Variants in SPATA7 observed in about 807,000 individuals in gnomAD.
The protein encoded by SPATA7 is spermatogenesis associated 7.
Under a neutral mutation model 51.8 loss-of-function variants are expected in SPATA7, and 43 were observed. The ratio of observed to expected loss-of-function variants is 0.83; its 90% CI spans 0.65 to 1.07. The LOEUF (loss-of-function observed/expected upper bound fraction) is 1.07. Ranked by LOEUF, SPATA7 falls within the 50% of genes least tolerant of loss-of-function variation. The probability of loss-of-function intolerance (pLI) is 0.00; values close to 1 mark genes in which losing one functional copy is unlikely to be tolerated. For synonymous variants in SPATA7, 230 were observed against 252.8 expected, an observed-to-expected ratio of 0.91 and a Z score of 0.86; for missense variants, 683 against 701.3, an observed-to-expected ratio of 0.97 and a Z score of 0.30.
intron 9 of SPATA7, among the ~76,000 whole-genome samples, chr14:88,432,003 C>G (rs1228644078): frequency 6.6e-6 from 1 of 152,098 alleles, no homozygotes; most frequent in African/African-American, 2.4e-5. Context: ...TCATTTTTAT[C>G]TCCAGTAGAA....
intron 4 of SPATA7, among the ~76,000 whole-genome samples, chr14:88,402,655 C>A (rs1325693267): frequency 6.6e-6 from 1 of 151,922 alleles, no homozygotes; most frequent in Non-Finnish European, 1.5e-5. Flanking sequence ...AAAATCAGCT[C>A]AAAATGGATT....
intron 3 of SPATA7, among the ~76,000 whole-genome samples, chr14:88,444,240 G>A (rs1477477848): frequency 4.6e-5 from 7 of 152,242 alleles, no homozygotes; most frequent in Non-Finnish European, 8.8e-5. Flanking sequence ...GCCAGTGATG[G>A]TGAGCAGTTT....
intron 6 of SPATA7, among the ~76,000 whole-genome samples, chr14:88,427,265 A>G (rs1349972232): frequency 2.0e-5 from 3 of 152,218 alleles, no homozygotes; most frequent in Non-Finnish European, 4.4e-5. Context: ...ATGTTCAATA[A>G]AAGTTTGCCA....
At chr14:88,468,797 T>C (rs1371668403) in intron 4 of SPATA7, 3 of 1,280,212 alleles carry the variant, frequency 2.3e-6, no homozygotes, top group Non-Finnish European at 3.3e-6. Flanking sequence ...ATTAGTAACA[T>C]CTTGAGGCCA....
At chr14:88,394,484 CATTT>C (rs1308730916) in intron 3 of SPATA7, among the ~76,000 whole-genome samples, 1 of 152,140 alleles carries the variant, frequency 6.6e-6, no homozygotes, top group Non-Finnish European at 1.5e-5. Flanking sequence ...TGTGTACCAC[CATTT>C]ATTCTTTTGT....
intron 5 of SPATA7, among the ~76,000 whole-genome samples, chr14:88,422,713 G>A (rs965632383): frequency 1.3e-5 from 2 of 151,104 alleles, no homozygotes; most frequent in African/African-American, 4.8e-5. Flanking sequence ...CCTCCATAAA[G>A]TTGTTAATTT....
At chr14:88,455,176 C>T in exon 4 of SPATA7, 1 of 438,060 alleles carries the variant, frequency 2.3e-6, no homozygotes, top group South Asian at 1.6e-5. Context: ...GCTCTGCAAG[C>T]CCACTGTGAA....
At position 88,433,208 on chromosome 14, in the gene SPATA7, A is replaced by G. The variant is rs138211483; in HGVS notation, c.1156A>G (p.Asn386Asp). The G allele has an allele frequency of 6.2e-6, 10 of 1,604,248 alleles. No individual in the cohort carries two copies. The African/African-American group carries it at 1.3e-4, about 21-fold the overall frequency. ...AATTTTGAAACTTGGTTTATTTTCAAACAGGTTAGTTTTTTTAATGGTGTT... is the reference window on the plus strand; with the variant it reads ...AATTTTGAAACTTGGTTTATTTTCAGACAGGTTAGTTTTTTTAATGGTGTT... ...DEILKLGLFS[N>D]RFLERLFERH... The change falls in exon 10 of 12, where the codon AAC becomes GAC. Residue 386 changes from asparagine (N) to aspartate (D), a missense_variant. Transcript: ENST00000393545.
intron 4 of SPATA7, 62 bp downstream of exon 4, chr14:88,396,265 T>C: frequency 8.4e-7 from 1 of 1,190,424 alleles, no homozygotes; most frequent in East Asian, 2.5e-5. Flanking sequence ...ATACATAACA[T>C]AAAATTTACT....
chr14:88,465,923 A>G (rs1241681494), intron 4 of SPATA7: 2 of 152,274 alleles, frequency 1.3e-5, no homozygotes, highest in East Asian at 3.9e-4. Context: ...TCAGAAGTTT[A>G]CTTATCAAAT....
chr14:88,438,593 G>T, downstream of SPATA7: 1 of 677,366 alleles, frequency 1.5e-6, no homozygotes, highest in Non-Finnish European at 2.6e-6. Context: ...CAGTTTTGTG[G>T]ATCAGGAGTG....
chr14:88,419,491 G>A (rs1294972856), intron 5 of SPATA7, among the ~76,000 whole-genome samples: 2 of 139,952 alleles, frequency 1.4e-5, no homozygotes, highest in East Asian at 2.1e-4. Context: ...TTTTAGGTTA[G>A]TATTTGGTGG....
At chr14:88,458,308 G>GTTC (rs747714822), downstream of SPATA7, among the ~76,000 whole-genome samples, 32 of 151,324 alleles carry the variant, frequency 2.1e-4, no homozygotes, top group Non-Finnish European at 4.1e-4. Context: ...AATGGTACCA[G>GTTC]CTTCTTGTAC....
Position 88,402,711 on chromosome 14 carries a change from G to C in SPATA7, c.238+6508G>C, listed in dbSNP as rs191283660. Among the ~76,000 whole-genome samples, 10 of 151,976 alleles carry C rather than the reference G, an allele frequency of 6.6e-5. No homozygotes were observed. The East Asian group carries it at 1.9e-3, about 29-fold the overall frequency. ...CCTAATCCATAAAACTACTAGAAGA[G>C]AACATAGAAAAAAAGCTTCTTGGCT... is the stretch of plus-strand genomic sequence containing the variant. On this transcript the variant is annotated intron_variant, in intron 4 of 11. Transcript: ENST00000393545.
At chr14:88,392,688 G>A (rs1010369758) in intron 2 of SPATA7, among the ~76,000 whole-genome samples, 6 of 152,098 alleles carry the variant, frequency 3.9e-5, no homozygotes, top group Non-Finnish European at 1.5e-5. Context: ...TGCCATTTTA[G>A]CTGTTGAATT....
At chr14:88,430,246 TC>T (rs2140006814) in intron 8 of SPATA7, among the ~76,000 whole-genome samples, 1 of 152,184 alleles carries the variant, frequency 6.6e-6, no homozygotes, top group Non-Finnish European at 1.5e-5. Context: ...CTCTGGCTTC[TC>T]CCTCAGGCCT....
chr14:88,470,236 T>C (rs1459675883), exon 5 of SPATA7: 1 of 609,336 alleles, frequency 1.6e-6, no homozygotes, highest in East Asian at 2.8e-5. Context: ...ACAATTTGCA[T>C]TACTGACATT....
rs2077128641 is a variant in SPATA7, at chr14:88,437,716, T to C, written c.1215+119T>C. The C allele has an allele frequency of 1.3e-5, 17 of 1,346,254 alleles. No homozygotes were observed. The South Asian group carries it at 2.1e-4, about 17-fold the overall frequency. The allele number at this position is 1,346,254 out of a possible 1,614,324, so 83.4% of individuals were successfully genotyped here. ...GTGCTTTTTTTTTCCCTTGAACTTT[T>C]TTGAGGGTGGTGGTGGGAGAAGTGA... On this transcript the variant is annotated intron_variant, in intron 11 of 11. Coordinates refer to ENST00000393545, the MANE Select transcript of SPATA7 (RefSeq NM_018418.5).
intron 8 of SPATA7, 35 bp downstream of exon 8, chr14:88,429,498 CTTTAA>C (rs1313163774): frequency 1.1e-5 from 15 of 1,311,540 alleles, no homozygotes; most frequent in Non-Finnish European, 1.7e-5. Flanking sequence ...TTTCAACTGT[CTTTAA>C]TTGCCTTCTT....
Sources: allele counts gnomAD v4.1 joint callset (sites outside exome capture counted in the v4.1 genomes callset), GRCh38; gene constraint gnomAD v4.1.1; transcripts MANE v1.5; gene names NCBI Gene and HGNC (gene_info 2026-07-23, HGNC 2026-07-21).